BICC1: variants seen among roughly 807,000 people sequenced by gnomAD.
BICC1 encodes protein bicaudal C homolog 1.
In BICC1, 43 loss-of-function variants were observed where a neutral mutation model predicts 111.0. The observed-to-expected ratio is 0.39, with a 90% confidence interval of 0.30 to 0.50. The LOEUF is 0.50. Among genes scored for constraint, BICC1 ranks in the 20% least tolerant of loss-of-function variants. The probability of loss-of-function intolerance (pLI) is 0.88; values close to 1 mark genes in which losing one functional copy is unlikely to be tolerated. For missense variants in BICC1, 1,091 were observed against 1,203.2 expected (o/e 0.91, Z 1.38); for synonymous variants, 467 against 434.4 (o/e 1.07, Z -0.93).
rs936897401 is a variant in BICC1, at chr10:58,600,816, C to T, written c.191-20039C>T. On this transcript the variant is annotated intron_variant, in intron 1 of 20. Coordinates refer to ENST00000373886, the MANE Select transcript of BICC1 (RefSeq NM_001080512.3). ...GATTTTCTAATAATATTTTCTCTAG[C>T]TTACTGTATTTTAATAATACATTAT... Among the ~76,000 whole-genome samples, 4 of 152,076 alleles carry T rather than the reference C, an allele frequency of 2.6e-5. No individual in the cohort carries two copies. The East Asian group carries it at 7.8e-4, about 29-fold the overall frequency.
chr10:58,560,532 G>GTA (rs1843576024), intron 1 of BICC1, among the ~76,000 whole-genome samples: 1 of 151,596 alleles, frequency 6.6e-6, no homozygotes, highest in African/African-American at 2.4e-5. Context: ...TTGATCTTTT[G>GTA]TATTTTTTTA....
At chr10:58,754,960 G>A (rs1192153540) in intron 3 of BICC1, among the ~76,000 whole-genome samples, 3 of 152,142 alleles carry the variant, frequency 2.0e-5, no homozygotes, top group Non-Finnish European at 4.4e-5. Flanking sequence ...GGGGTTTATT[G>A]TTGCTAATAC....
chr10:58,708,772 G>T (rs529333849), intron 3 of BICC1, among the ~76,000 whole-genome samples: 3 of 152,340 alleles, frequency 2.0e-5, no homozygotes, highest in East Asian at 1.9e-4. Flanking sequence ...TGGAGCTGCC[G>T]TGTTGGACCT....
chr10:58,679,195 C>A (rs568131126), intron 2 of BICC1, among the ~76,000 whole-genome samples: 1 of 152,216 alleles, frequency 6.6e-6, no homozygotes, highest in South Asian at 2.1e-4. Context: ...CAGAGCAGAA[C>A]TGAAGGAGAT....
At chr10:58,769,187 G>A (rs1296266565) in intron 3 of BICC1, among the ~76,000 whole-genome samples, 1 of 151,622 alleles carries the variant, frequency 6.6e-6, no homozygotes, top group Non-Finnish European at 1.5e-5. Flanking sequence ...TCATTTATAA[G>A]ATGAATAAAT....
chr10:58,824,404 C>T (rs914358266), intron 20 of BICC1, among the ~76,000 whole-genome samples: 1 of 152,140 alleles, frequency 6.6e-6, no homozygotes, highest in Non-Finnish European at 1.5e-5. Context: ...TTTCTTCTCT[C>T]CTAAGACCTA....
chr10:58,524,697 C>A (rs1452338069), intron 1 of BICC1, among the ~76,000 whole-genome samples: 1 of 151,596 alleles, frequency 6.6e-6, no homozygotes, highest in African/African-American at 2.4e-5. Context: ...CAACAAAAGC[C>A]AAAATTGACA....
At chr10:58,755,743 T>A (rs912969382) in intron 3 of BICC1, among the ~76,000 whole-genome samples, 1 of 152,122 alleles carries the variant, frequency 6.6e-6, no homozygotes, top group African/African-American at 2.4e-5. Context: ...GAATTTCAGT[T>A]GGGTTTTGGG....
chr10:58,625,007 TTAAAC>T (rs1431906322), intron 2 of BICC1, among the ~76,000 whole-genome samples: 1 of 152,244 alleles, frequency 6.6e-6, no homozygotes, highest in African/African-American at 2.4e-5. Context: ...GGATTACAGA[TTAAAC>T]TATGTATTTG....
At chr10:58,726,606 C>T (rs917930466) in intron 3 of BICC1, among the ~76,000 whole-genome samples, 8 of 152,156 alleles carry the variant, frequency 5.3e-5, no homozygotes, top group Non-Finnish European at 1.2e-4. Context: ...CTGATTTCAA[C>T]AGGTAATGTT....
rs191113225 is a variant in BICC1 at position 58,693,777 on chromosome 10, G to A, written c.238-8297G>A. Among the ~76,000 whole-genome samples the A allele has an allele frequency of 3.9e-4, 59 of 152,280 alleles. No individual in the cohort carries two copies. The East Asian group carries it at 5.2e-3, about 13-fold the overall frequency. ...TAGATATCAGCCATTTGTCAGATGAGTAGGTTGCAAAAATTTTCTCCCATT... is the reference window on the plus strand; with the variant it reads ...TAGATATCAGCCATTTGTCAGATGAATAGGTTGCAAAAATTTTCTCCCATT... On this transcript the variant is annotated intron_variant, in intron 2 of 20. Coordinates refer to ENST00000373886, the MANE Select transcript of BICC1 (RefSeq NM_001080512.3).
chr10:58,596,926 A>C (rs962287526), intron 1 of BICC1, among the ~76,000 whole-genome samples: 1 of 152,242 alleles, frequency 6.6e-6, no homozygotes, highest in Admixed American at 6.5e-5. Flanking sequence ...ATGGAAAAAC[A>C]TTCCATGCTC....
intron 1 of BICC1, among the ~76,000 whole-genome samples, chr10:58,550,719 T>C (rs916266882): frequency 6.6e-6 from 1 of 152,188 alleles, no homozygotes; most frequent in Non-Finnish European, 1.5e-5. Flanking sequence ...GAATCGCCTT[T>C]CTGTGTTTTT....
At chr10:58,763,068 C>CT (rs1211992952) in intron 3 of BICC1, among the ~76,000 whole-genome samples, 2 of 151,420 alleles carry the variant, frequency 1.3e-5, no homozygotes, top group Admixed American at 6.6e-5. Flanking sequence ...AAAAAAAACA[C>CT]TGAGTTTTGA....
At chr10:58,582,610 T>A (rs1267860455) in intron 1 of BICC1, among the ~76,000 whole-genome samples, 1 of 152,178 alleles carries the variant, frequency 6.6e-6, no homozygotes, top group Non-Finnish European at 1.5e-5. Flanking sequence ...ACAAGGTGAT[T>A]ATCTTAGAAT....
intron 1 of BICC1, among the ~76,000 whole-genome samples, chr10:58,536,240 C>T (rs1361602752): frequency 6.6e-6 from 1 of 151,616 alleles, no homozygotes; most frequent in Non-Finnish European, 1.5e-5. Flanking sequence ...ACAGAACATT[C>T]TACTCAAGAA....
At chr10:58,522,960 T>C (rs1212049019) in intron 1 of BICC1, among the ~76,000 whole-genome samples, 1 of 152,058 alleles carries the variant, frequency 6.6e-6, no homozygotes, top group Non-Finnish European at 1.5e-5. Context: ...CTAGAAGAAA[T>C]GGATTAATTC....
chr10:58,698,280 G>C (rs1319434011), intron 2 of BICC1, among the ~76,000 whole-genome samples: 1 of 152,174 alleles, frequency 6.6e-6, no homozygotes, highest in Non-Finnish European at 1.5e-5. Context: ...CACGTTACCT[G>C]TCCTGGATGT....
chr10:58,635,884 G>A (rs756837042), intron 2 of BICC1, among the ~76,000 whole-genome samples: 2 of 152,016 alleles, frequency 1.3e-5, no homozygotes, highest in Admixed American at 1.3e-4. Flanking sequence ...TTAAAAGTCC[G>A]TCATTTGGCA....
Sources: gnomAD v4.1 joint callset for allele counts (sites outside exome capture counted in the v4.1 genomes callset) on GRCh38, gnomAD v4.1.1 for gene constraint, MANE v1.5 for transcripts, NCBI Gene and HGNC (gene_info 2026-07-23, HGNC 2026-07-21) for gene names.